NRXN3: variants seen among roughly 807,000 people sequenced by gnomAD.
NRXN3 encodes neurexin III.
In NRXN3, 32 loss-of-function variants were observed where a neutral mutation model predicts 137.6. The observed-to-expected ratio is 0.23, with a 90% CI of 0.18 to 0.31. The LOEUF (loss-of-function observed/expected upper bound fraction) is 0.31. NRXN3 is among the 10% of genes least tolerant of loss of function. NRXN3 has a pLI of 1.00. For synonymous variants in NRXN3, 798 were observed against 784.5 expected (o/e 1.02, Z -0.29); for missense variants, 1,574 against 2,062.5 (o/e 0.76, Z 4.59).
chr14:78,780,378 T>A (rs1294365972), intron 8 of NRXN3, among the ~76,000 whole-genome samples: 1 of 152,102 alleles, frequency 6.6e-6, no homozygotes, highest in African/African-American at 2.4e-5. Context: ...GGTGATTAGC[T>A]TTACGACCTA....
chr14:78,962,530 T>C (rs992051600), intron 11 of NRXN3, among the ~76,000 whole-genome samples: 4 of 152,154 alleles, frequency 2.6e-5, no homozygotes, highest in African/African-American at 9.7e-5. Context: ...CCATCACTAC[T>C]ATTGATTAAA....
chr14:78,976,000 G>A (rs2099464539), intron 14 of NRXN3, among the ~76,000 whole-genome samples: 1 of 152,072 alleles, frequency 6.6e-6, no homozygotes, highest in South Asian at 2.1e-4. Flanking sequence ...TTGTATCAGT[G>A]TACCTTGGAC....
At chr14:79,241,007 T>C (rs1000289863) in intron 15 of NRXN3, among the ~76,000 whole-genome samples, 1 of 152,162 alleles carries the variant, frequency 6.6e-6, no homozygotes, top group Admixed American at 6.6e-5. Flanking sequence ...CCCCTTTATA[T>C]CTTTATCTTT....
intron 4 of NRXN3, among the ~76,000 whole-genome samples, chr14:78,350,140 T>G (rs1457611431): frequency 6.6e-6 from 1 of 151,922 alleles, no homozygotes; most frequent in Non-Finnish European, 1.5e-5. Flanking sequence ...ATTCAGAAAA[T>G]TAGCTGAGCA....
chr14:79,120,764 C>T (rs757964215), intron 15 of NRXN3, among the ~76,000 whole-genome samples: 4 of 151,872 alleles, frequency 2.6e-5, no homozygotes, highest in Admixed American at 6.6e-5. Context: ...CTAAAGAAAC[C>T]GTTCCAGCAG....
At chr14:79,077,002 A>G (rs2046088272) in intron 15 of NRXN3, among the ~76,000 whole-genome samples, 1 of 152,128 alleles carries the variant, frequency 6.6e-6, no homozygotes, top group Non-Finnish European at 1.5e-5. Context: ...AAAGAGATTA[A>G]TGTTTGGTGT....
intron 4 of NRXN3, among the ~76,000 whole-genome samples, chr14:78,580,687 G>T (rs1180912043): frequency 6.6e-6 from 1 of 152,204 alleles, no homozygotes; most frequent in Admixed American, 6.5e-5. Context: ...TTGTGGAAAT[G>T]AATCTCAAAT....
chr14:78,299,680 G>A (rs2076691273), intron 4 of NRXN3, among the ~76,000 whole-genome samples: 1 of 152,128 alleles, frequency 6.6e-6, no homozygotes, highest in African/African-American at 2.4e-5. Context: ...ATGCAGCATG[G>A]ATATCTTGGA....
chr14:79,773,089 T>C (rs199517965), intron 19 of NRXN3, among the ~76,000 whole-genome samples: 11 of 152,214 alleles, frequency 7.2e-5, no homozygotes, highest in South Asian at 2.1e-4. Context: ...TACCATCTCA[T>C]ACCAGTTAGA....
chr14:79,441,308 G>GAAATAAAC (rs2153569500), intron 15 of NRXN3, among the ~76,000 whole-genome samples: 1 of 146,170 alleles, frequency 6.8e-6, no homozygotes, highest in African/African-American at 2.5e-5. Flanking sequence ...AATTTTGAGG[G>GAAATAAAC]AAATAAACAG....
At chr14:78,612,181 C>T (rs1450941526) in intron 4 of NRXN3, among the ~76,000 whole-genome samples, 1 of 152,204 alleles carries the variant, frequency 6.6e-6, no homozygotes, top group African/African-American at 2.4e-5. Context: ...TGCTTTCTTA[C>T]ATCCTGTTGG....
At chr14:78,325,752 C>A (rs111818796) in intron 4 of NRXN3, among the ~76,000 whole-genome samples, 1 of 152,204 alleles carries the variant, frequency 6.6e-6, no homozygotes, top group East Asian at 1.9e-4. Flanking sequence ...TGTTTCATCT[C>A]TCTGCCCCTG....
At position 79,369,659 on chromosome 14, in the gene NRXN3, C is replaced by A. The variant is rs2094022407; in HGVS notation, c.3263-97562C>A. On this transcript the variant is annotated intron_variant, in intron 15 of 20. Transcript: ENST00000335750. ...CCCTGTCTCATGGTAAAATCATGGA[C>A]AGATGTTACCCCTCAATTTTCTCTT... is the stretch of plus-strand genomic sequence containing the variant. Among the ~76,000 whole-genome samples the A allele has an allele frequency of 4.6e-5, 7 of 152,080 alleles. No individual in the cohort carries two copies. In the South Asian group the frequency reaches 1.5e-3, roughly 32 times the overall value.
At chr14:78,312,521 A>G (rs61186016) in intron 4 of NRXN3, among the ~76,000 whole-genome samples, 36,396 of 152,024 alleles carry the variant, frequency 0.24, 4,770 homozygotes, top group Middle Eastern at 0.32. Flanking sequence ...AGTTGTTTGC[A>G]CTTCCTTTCT....
chr14:78,353,894 G>C (rs2153598156), intron 4 of NRXN3, among the ~76,000 whole-genome samples: 1 of 152,280 alleles, frequency 6.6e-6, no homozygotes, highest in Admixed American at 6.5e-5. Flanking sequence ...AGTTTATGAA[G>C]GCTGACTTCA....
chr14:79,804,152 T>G (rs2099194041), intron 19 of NRXN3, among the ~76,000 whole-genome samples: 1 of 151,964 alleles, frequency 6.6e-6, no homozygotes, highest in African/African-American at 2.4e-5. Context: ...ATTGGTCACA[T>G]GAAGAAGGGG....
chr14:78,401,704 TAGCC>T lies in NRXN3; in HGVS notation c.757+103847_757+103850del, dbSNP rs550763338. Among the ~76,000 whole-genome samples, 6 of 152,306 alleles carry T rather than the reference TAGCC, an allele frequency of 3.9e-5. No homozygotes were observed. The East Asian group carries it at 9.6e-4, about 24-fold the overall frequency. On this transcript the variant is annotated intron_variant, in intron 4 of 20. Coordinates refer to ENST00000335750, the MANE Select transcript of NRXN3 (RefSeq NM_001330195.2). ...TATTATGCTCCTTTGCTTGAACAAA[TAGCC>T]AGTCTCTGGCAATGGACCATTTTCT...
intron 3 of NRXN3, chr14:78,282,232 G>A: frequency 2.2e-6 from 1 of 457,588 alleles, no homozygotes; most frequent in Non-Finnish European, 4.4e-6. Flanking sequence ...GGGCATCTCT[G>A]CCCTGCCTTT....
intron 4 of NRXN3, among the ~76,000 whole-genome samples, chr14:78,601,248 CT>C (rs1176093946): frequency 2.0e-5 from 3 of 152,084 alleles, no homozygotes; most frequent in Non-Finnish European, 4.4e-5. Flanking sequence ...ATAACAAAAA[CT>C]TTTGGCTTAA....
Sources: gnomAD v4.1 joint callset for allele counts (sites outside exome capture counted in the v4.1 genomes callset) on GRCh38, gnomAD v4.1.1 for gene constraint, MANE v1.5 for transcripts, NCBI Gene and HGNC (gene_info 2026-07-23, HGNC 2026-07-21) for gene names.